Variants in GARNL3 observed in about 807,000 individuals in gnomAD.
GARNL3 encodes the protein GTPase-activating Rap/Ran-GAP domain-like protein 3.
In GARNL3, 63 loss-of-function variants were observed where a neutral mutation model predicts 125.0. The observed-to-expected ratio is 0.50, with a 90% CI of 0.41 to 0.62. The LOEUF (loss-of-function observed/expected upper bound fraction) is 0.62, where lower values mean the gene tolerates loss of function less well. Ranked by LOEUF, GARNL3 falls within the 20% of genes least tolerant of loss-of-function variation. The probability of loss-of-function intolerance (pLI) is 0.00; values close to 1 mark genes in which losing one functional copy is unlikely to be tolerated. For missense variants in GARNL3, 994 were observed against 1,244.0 expected, an observed-to-expected ratio of 0.80 and a Z score of 3.02; for synonymous variants, 439 against 457.5, an observed-to-expected ratio of 0.96 and a Z score of 0.52.
rs1830539972 is a variant in GARNL3 at position 127,353,888 on chromosome 9, T to C, written c.1586T>C (p.Val529Ala). 6.2e-7 allele frequency: 1 copy of C among 1,613,882 alleles called. No homozygotes were observed. Among genetic ancestry groups the C allele is most frequent in the Admixed American group, 1.7e-5 (1 of 59,990 alleles). ...SVPVFDRTLPVKQMHVLETLD... is the reference protein window; with the variant it reads ...SVPVFDRTLPAKQMHVLETLD... ...CCCGTGTTTGACAGAACTCTGCCAG[T>C]GAAGCAAATGCATGTGCTTGAGACC... Residue 529 changes from valine (V) to alanine (A), a missense_variant, in exon 18 of 28, where the codon GTG (valine) becomes GCG (alanine). Around this residue, in one of 5 missense-constraint regions of GARNL3, gnomAD observed 728 missense variants for 865.7 expected, o/e 0.84. Coordinates refer to ENST00000373387, the MANE Select transcript of GARNL3 (RefSeq NM_032293.5).
intron 16 of GARNL3, among the ~76,000 whole-genome samples, chr9:127,348,341 A>C (rs1054076622): frequency 1.3e-5 from 2 of 152,202 alleles, no homozygotes; most frequent in African/African-American, 4.8e-5. Context: ...CTTGGTATAG[A>C]TATGTCATGC....
chr9:127,270,729 C>A (rs1433841681), intron 1 of GARNL3, among the ~76,000 whole-genome samples: 1 of 152,136 alleles, frequency 6.6e-6, no homozygotes, highest in Non-Finnish European at 1.5e-5. Context: ...TTTCATTTAC[C>A]ACTTACTTAC....
chr9:127,254,917 A>G (rs543500061), intron 2 of GARNL3, among the ~76,000 whole-genome samples: 4 of 152,314 alleles, frequency 2.6e-5, no homozygotes, highest in African/African-American at 9.6e-5. Context: ...CTCTTGAGCT[A>G]TCAGAGGAAT....
chr9:127,345,711 C>A (rs906897269), intron 16 of GARNL3, among the ~76,000 whole-genome samples: 1 of 152,240 alleles, frequency 6.6e-6, no homozygotes, highest in African/African-American at 2.4e-5. Flanking sequence ...GGAGGACCGA[C>A]CTGGTCAGGC....
intron 3 of GARNL3, among the ~76,000 whole-genome samples, chr9:127,312,876 C>T (rs549350239): frequency 2.6e-5 from 4 of 152,254 alleles, no homozygotes; most frequent in African/African-American, 4.8e-5. Context: ...AGAAAAATGG[C>T]GCCATGAGTT....
At chr9:127,236,521 T>A (rs1313135558) in intron 1 of GARNL3, among the ~76,000 whole-genome samples, 2 of 152,204 alleles carry the variant, frequency 1.3e-5, no homozygotes, top group Non-Finnish European at 2.9e-5. Flanking sequence ...TGATCATAGC[T>A]CACTGTAACT....
chr9:127,329,449 T>C (rs1829086632), intron 7 of GARNL3, among the ~76,000 whole-genome samples: 1 of 152,136 alleles, frequency 6.6e-6, no homozygotes, highest in Non-Finnish European at 1.5e-5. Context: ...CATGCAACCC[T>C]TGCTGCTTTA....
intron 1 of GARNL3, among the ~76,000 whole-genome samples, chr9:127,273,455 C>T (rs1293778813): frequency 6.6e-6 from 1 of 152,232 alleles, no homozygotes; most frequent in East Asian, 1.9e-4. Flanking sequence ...TTAACAAAAG[C>T]TTGCTATTAA....
intron 27 of GARNL3, among the ~76,000 whole-genome samples, chr9:127,391,524 C>CAAAAAAAAAAA (rs763160611): frequency 1.4e-5 from 1 of 70,482 alleles, no homozygotes; most frequent in South Asian, 7.1e-4. Context: ...CCCATCTCTA[C>CAAAAAAAAAAA]AAAAAAAAAA....
intron 1 of GARNL3, among the ~76,000 whole-genome samples, chr9:127,238,615 C>G (rs2063151723): frequency 6.6e-6 from 1 of 152,218 alleles, no homozygotes; most frequent in African/African-American, 2.4e-5. Flanking sequence ...AGGTCCACTG[C>G]CCCCAGAAAG....
intron 16 of GARNL3, among the ~76,000 whole-genome samples, chr9:127,347,108 C>T: frequency 6.6e-6 from 1 of 152,168 alleles, no homozygotes; most frequent in East Asian, 1.9e-4. Flanking sequence ...AAGCAATGGA[C>T]ACCCTGCGTG....
intron 22 of GARNL3, among the ~76,000 whole-genome samples, chr9:127,370,261 C>T (rs752748373): frequency 8.5e-5 from 13 of 152,178 alleles, no homozygotes; most frequent in African/African-American, 2.9e-4. Flanking sequence ...GTTCCTGCCC[C>T]GCAGCACAGG....
chr9:127,318,338 G>C (rs2065298157), intron 5 of GARNL3, among the ~76,000 whole-genome samples: 1 of 152,132 alleles, frequency 6.6e-6, no homozygotes, highest in Non-Finnish European at 1.5e-5. Context: ...CCATTTTATA[G>C]ATGAAATGGA....
At chr9:127,352,207 G>T (rs1014932146) in intron 17 of GARNL3, among the ~76,000 whole-genome samples, 3 of 152,170 alleles carry the variant, frequency 2.0e-5, no homozygotes, top group African/African-American at 7.2e-5. Flanking sequence ...ACAGGCTTGG[G>T]CTCCACATCC....
At chr9:127,336,020 C>T (rs1829533176) in intron 10 of GARNL3, 108 bp from the exon 11 acceptor site, 2 of 768,240 alleles carry the variant, frequency 2.6e-6, no homozygotes, top group Non-Finnish European at 4.2e-6. Context: ...AAGTTCAGGG[C>T]TCTGTCATAG....
chr9:127,284,593 A>G (rs2064192987), intron 1 of GARNL3, among the ~76,000 whole-genome samples: 2 of 151,066 alleles, frequency 1.3e-5, no homozygotes, highest in Admixed American at 1.3e-4. Flanking sequence ...CATTGTTTTT[A>G]TCCTTTTTTG....
chr9:127,232,302 A>ACATCC (rs1433673580), intron 1 of GARNL3, among the ~76,000 whole-genome samples: 1 of 152,120 alleles, frequency 6.6e-6, no homozygotes, highest in Non-Finnish European at 1.5e-5. Context: ...TAACTCATCA[A>ACATCC]CATCCCTTCT....
chr9:127,241,231 C>T (rs779731565), intron 1 of GARNL3, among the ~76,000 whole-genome samples: 6 of 152,026 alleles, frequency 3.9e-5, no homozygotes, highest in African/African-American at 1.5e-4. Context: ...ATCTTGAGAG[C>T]ACTGCTTAAT....
intron 1 of GARNL3, among the ~76,000 whole-genome samples, chr9:127,287,888 A>G (rs371300968): frequency 5.9e-5 from 9 of 152,206 alleles, no homozygotes; most frequent in African/African-American, 1.7e-4. Context: ...TGCATGATTA[A>G]TGAACCTTCT....
Sources: gnomAD v4.1 joint callset for allele counts (sites outside exome capture counted in the v4.1 genomes callset) on GRCh38, gnomAD v4.1.1 for gene constraint, gnomAD v4.1.1 regional missense constraint, MANE v1.5 for transcripts, NCBI Gene and HGNC (gene_info 2026-07-23, HGNC 2026-07-21) for gene names.